LRRC49: variants seen among roughly 807,000 people sequenced by gnomAD.
LRRC49 encodes leucine rich repeat containing 49, also known as leucine-rich repeat-containing protein 49.
A neutral mutation model predicts 83.3 loss-of-function variants in LRRC49; 50 were observed. The observed-to-expected ratio is 0.60, with a 90% CI of 0.48 to 0.76. The LOEUF (loss-of-function observed/expected upper bound fraction) is 0.76. Ranked by LOEUF, LRRC49 falls within the 30% of genes least tolerant of loss-of-function variation. LRRC49 has a pLI of 0.00. For synonymous variants in LRRC49, 286 were observed against 283.3 expected, an observed-to-expected ratio of 1.01 and a Z score of -0.10; for missense variants, 704 against 809.1, an observed-to-expected ratio of 0.87 and a Z score of 1.58.
rs116256658 is a variant in LRRC49, at chr15:70,924,594, T to G, written c.711+5401T>G. 4.8e-3 allele frequency among the ~76,000 whole-genome samples: 725 copies of G among 152,098 alleles called. 11 individuals are homozygous for G. Among genetic ancestry groups the G allele is most frequent in the African/African-American group, 0.017 (706 of 41,530 alleles). On this transcript the variant is annotated intron_variant, in intron 7 of 15. Transcript: ENST00000260382. ...CATGTTTTTGTTGCCTAGTATTTTC[T>G]TTTTATTCTTTTACCCCCAAAATTA...
rs950746371 is a variant in LRRC49, at chr15:71,052,326, C to G, written c.*2714C>G. On this transcript the variant is annotated 3_prime_UTR_variant, in exon 16 of 16. Transcript: ENST00000260382. ...ATTGCATTTGCCTCAAAAGCAGAAACATTTAGTACCCCCATTTAGGGAGAT... is the reference window on the plus strand; with the variant it reads ...ATTGCATTTGCCTCAAAAGCAGAAAGATTTAGTACCCCCATTTAGGGAGAT... The G allele has an allele frequency of 6.6e-6, 1 of 152,158 alleles. No homozygotes were observed. Among genetic ancestry groups the G allele is most frequent in the Non-Finnish European group, 1.5e-5 (1 of 68,040 alleles). 9.4% of individuals were successfully genotyped at this position (152,158 alleles called of 1,614,324 possible).
At chr15:70,967,399 G>C (rs940749175) in intron 9 of LRRC49, among the ~76,000 whole-genome samples, 1 of 152,072 alleles carries the variant, frequency 6.6e-6, no homozygotes, top group Non-Finnish European at 1.5e-5. Flanking sequence ...GAGAGGATGC[G>C]ATGGGTGATG....
chr15:70,956,825 T>G (rs2036417800), intron 8 of LRRC49, among the ~76,000 whole-genome samples: 1 of 152,212 alleles, frequency 6.6e-6, no homozygotes, highest in East Asian at 1.9e-4. Context: ...AGATTTATTT[T>G]TACTTTAATA....
At chr15:70,918,725 T>C (rs1172632886) in intron 6 of LRRC49, 6 of 181,818 alleles carry the variant, frequency 3.3e-5, no homozygotes, top group Non-Finnish European at 5.7e-5. Context: ...ATGTTTCTAT[T>C]TGGCAGGTAG....
At position 71,047,901 on chromosome 15, in the gene LRRC49, C is replaced by T. The variant is rs186102297; in HGVS notation, c.1858-1508C>T. ...AAGCAATTCTCCTGCCTCAGCCTCC[C>T]GTGTAGCTGGGACTACAGGCATGTG... On this transcript the variant is annotated intron_variant, in intron 15 of 15. Coordinates refer to ENST00000260382, the MANE Select transcript of LRRC49 (RefSeq NM_017691.5). 4.2e-3 allele frequency among the ~76,000 whole-genome samples: 632 copies of T among 152,014 alleles called. 4 individuals are homozygous for T. Among genetic ancestry groups the T allele is most frequent in the Non-Finnish European group, 4.8e-3 (328 of 67,962 alleles).
chr15:71,025,359 G>A (rs1318164489), intron 14 of LRRC49, among the ~76,000 whole-genome samples: 6 of 152,012 alleles, frequency 3.9e-5, no homozygotes, highest in Non-Finnish European at 5.9e-5. Context: ...TCAGCAGAAA[G>A]CCTACAAGCC....
rs1351205700 is a variant in LRRC49, at chr15:70,892,932, C to G, written c.38C>G (p.Ala13Gly). The G allele has an allele frequency of 6.2e-7, 1 of 1,614,206 alleles. No homozygotes were observed. Among genetic ancestry groups the G allele is most frequent in the African/African-American group, 1.3e-5 (1 of 75,056 alleles). The change falls in exon 1 of 16, where the codon GCT becomes GGT. Residue 13 changes from alanine to glycine, a missense_variant. Coordinates refer to ENST00000260382, the MANE Select transcript of LRRC49 (RefSeq NM_017691.5). ...AAATATCGCTCTGTTTCTGGCCGGGCTGCGAACAACGTAAGTTGGGCCTTC... is the reference window on the plus strand; with the variant it reads ...AAATATCGCTCTGTTTCTGGCCGGGGTGCGAACAACGTAAGTTGGGCCTTC... ...PGKYRSVSGR[A>G]ANNVNCGLHL...
chr15:70,981,495 T>TA (rs1460489908), intron 10 of LRRC49, among the ~76,000 whole-genome samples: 1,799 of 150,958 alleles, frequency 0.012, 36 homozygotes, highest in African/African-American at 0.041. Context: ...AAAGTATAAT[T>TA]TAAAAAAAAA....
At chr15:70,940,673 C>T (rs944459987) in intron 8 of LRRC49, among the ~76,000 whole-genome samples, 7 of 152,104 alleles carry the variant, frequency 4.6e-5, no homozygotes, top group South Asian at 2.1e-4. Flanking sequence ...AAATCATTTC[C>T]CTTAGTTCTA....
Position 71,002,314 on chromosome 15 carries a change from G to GA in LRRC49, c.1170-6065_1170-6064insA, listed in dbSNP as rs951226507. Among the ~76,000 whole-genome samples, 7 of 151,784 alleles carry GA rather than the reference G, an allele frequency of 4.6e-5. No homozygotes were observed. The East Asian group carries it at 5.8e-4, about 13-fold the overall frequency. On this transcript the variant is annotated intron_variant, in intron 11 of 15. Transcript: ENST00000260382. ...CAATGTCTATAACCTTTGGCTTATGGGGGGGGCGTGTAACTAAATGCCTGG... is the reference window on the plus strand; with the variant it reads ...CAATGTCTATAACCTTTGGCTTATGGAGGGGGGCGTGTAACTAAATGCCTGG...
intron 10 of LRRC49, 25 bp from the exon 11 acceptor site, chr15:70,984,067 CTT>C (rs1567082937): frequency 6.2e-7 from 1 of 1,601,008 alleles, no homozygotes; most frequent in African/African-American, 1.3e-5. Context: ...CATTATATAA[CTT>C]TTGTCACAAT....
intron 10 of LRRC49, among the ~76,000 whole-genome samples, chr15:70,982,305 G>T (rs1206293450): frequency 1.3e-5 from 2 of 152,040 alleles, no homozygotes; most frequent in African/African-American, 4.8e-5. Flanking sequence ...TTAACTCACT[G>T]CCCTGGCCTC....
intron 5 of LRRC49, among the ~76,000 whole-genome samples, chr15:70,906,565 C>T (rs1470316141): frequency 6.6e-6 from 1 of 152,190 alleles, no homozygotes; most frequent in Non-Finnish European, 1.5e-5. Context: ...GCTCCTGGTT[C>T]CTACCATTTT....
intron 15 of LRRC49, among the ~76,000 whole-genome samples, chr15:71,048,008 G>A (rs866143581): frequency 1.1e-4 from 16 of 151,340 alleles, no homozygotes; most frequent in Middle Eastern, 3.4e-3. Context: ...ACTCCTGACC[G>A]CAAGTGATCC....
At chr15:70,891,885 A>G (rs1475026309), upstream of LRRC49, 2 of 1,612,140 alleles carry the variant, frequency 1.2e-6, no homozygotes, top group Admixed American at 1.7e-5. Context: ...GGGCGTGTAC[A>G]GGAGACTGGA....
intron 14 of LRRC49, among the ~76,000 whole-genome samples, chr15:71,025,345 C>T (rs1204995302): frequency 5.3e-5 from 8 of 152,116 alleles, no homozygotes; most frequent in Non-Finnish European, 8.8e-5. Flanking sequence ...TAACAGTGGA[C>T]CTCTCAGCAG....
At chr15:71,037,445 A>G in intron 15 of LRRC49, 113 bp downstream of exon 15, 1 of 884,544 alleles carries the variant, frequency 1.1e-6, no homozygotes, top group Non-Finnish European at 1.7e-6. Flanking sequence ...GTTCTGGAAT[A>G]TTTGTCAACC....
chr15:70,903,504 A>T (rs554676445), intron 4 of LRRC49, among the ~76,000 whole-genome samples: 221 of 152,234 alleles, frequency 1.5e-3, no homozygotes, highest in Non-Finnish European at 2.5e-3. Flanking sequence ...AGCCATTAAC[A>T]TTCAGTTATT....
In LRRC49 at chr15:70,980,100, G is replaced by C; in HGVS notation, c.922-1G>C. 6.3e-7 allele frequency: 1 copy of C among 1,598,732 alleles called. No homozygotes were observed. The highest frequency in any genetic ancestry group is 8.5e-7 in the Non-Finnish European group (1 of 1,171,882). Reference sequence around the variant, plus strand: ...AATACTTTTCGGAAAATGTCTTTTAGGAAGAAGAAAGGCGTATGGCATCTG... The same window carrying C: ...AATACTTTTCGGAAAATGTCTTTTACGAAGAAGAAAGGCGTATGGCATCTG... On this transcript the variant is annotated splice_acceptor_variant, in intron 9 of 15. Transcript: ENST00000260382. LOFTEE classifies it high-confidence loss of function.
Sources: allele counts gnomAD v4.1 joint callset (sites outside exome capture counted in the v4.1 genomes callset), GRCh38; gene constraint gnomAD v4.1.1; transcripts MANE v1.5; gene names NCBI Gene and HGNC (gene_info 2026-07-23, HGNC 2026-07-21).